NRDE2: variants seen among roughly 807,000 people sequenced by gnomAD.
NRDE2 encodes the protein NRDE-2, necessary for RNA interference, domain containing.
Under a neutral mutation model 124.2 loss-of-function variants are expected in NRDE2, and 76 were observed. The observed-to-expected ratio is 0.61, with a 90% confidence interval of 0.51 to 0.74. The LOEUF is 0.74. NRDE2 is among the 30% of genes least tolerant of loss of function. The pLI is 0.00. For synonymous variants in NRDE2, 489 were observed against 528.1 expected, an observed-to-expected ratio of 0.93 and a Z score of 1.01; for missense variants, 1,314 against 1,417.3, an observed-to-expected ratio of 0.93 and a Z score of 1.17.
chr14:90,297,070 C>T (rs563672891), intron 8 of NRDE2, among the ~76,000 whole-genome samples: 26 of 148,434 alleles, frequency 1.8e-4, no homozygotes, highest in African/African-American at 5.7e-4. Flanking sequence ...ACCTGGGAGG[C>T]GGAGGTTGCA....
chr14:90,278,683 C>G (rs1891868849), intron 13 of NRDE2: 3 of 570,130 alleles, frequency 5.3e-6, no homozygotes, highest in Non-Finnish European at 9.3e-6. Flanking sequence ...GAGGCCTTCT[C>G]TTTTAAAAGG....
intron 1 of NRDE2, among the ~76,000 whole-genome samples, chr14:90,326,125 G>T (rs1207359195): frequency 6.6e-6 from 1 of 152,194 alleles, no homozygotes; most frequent in African/African-American, 2.4e-5. Flanking sequence ...CTAGTAAAAA[G>T]AAATGAGGAA....
intron 1 of NRDE2, among the ~76,000 whole-genome samples, chr14:90,328,304 CA>C (rs60360850): frequency 0.4 from 35,589 of 88,538 alleles, 4,027 homozygotes; most frequent in African/African-American, 0.47. Flanking sequence ...ACTCTGTCTC[CA>C]AAAAAAAAAA....
At chr14:90,303,775 G>A (rs1269925165) in intron 5 of NRDE2, among the ~76,000 whole-genome samples, 160 bp downstream of exon 5, 3 of 152,106 alleles carry the variant, frequency 2.0e-5, no homozygotes, top group African/African-American at 7.2e-5. Context: ...TTTCCTCATT[G>A]GACTTTGAGC....
chr14:90,295,477 T>A (rs1290085821), intron 8 of NRDE2, among the ~76,000 whole-genome samples: 3 of 152,184 alleles, frequency 2.0e-5, no homozygotes, highest in Non-Finnish European at 4.4e-5. Flanking sequence ...ATGTTTAAAG[T>A]AATCCTTTAA....
At position 90,317,990 on chromosome 14, in the gene NRDE2, T is replaced by A. The variant is rs749880671; in HGVS notation, c.173+15A>T. The A allele has an allele frequency of 2.4e-5, 39 of 1,607,132 alleles. No individual in the cohort carries two copies. The African/African-American group carries it at 5.2e-4, about 22-fold the overall frequency. On this transcript the variant is annotated intron_variant, in intron 2 of 13. Coordinates refer to ENST00000354366, the MANE Select transcript of NRDE2 (RefSeq NM_017970.4). ...ACTGACAAAAACGAAAACACATCTG[T>A]CAAACAAAAACTACCTTGTCAGCGG... is the stretch of plus-strand genomic sequence containing the variant.
chr14:90,292,564 G>T, intron 9 of NRDE2, 133 bp downstream of exon 9: 1 of 903,692 alleles, frequency 1.1e-6, no homozygotes, highest in South Asian at 1.6e-5. Context: ...ACAGGAGCAG[G>T]TTAGCATCTC....
intron 4 of NRDE2, among the ~76,000 whole-genome samples, chr14:90,308,261 T>C (rs1415379932): frequency 6.6e-6 from 1 of 152,224 alleles, no homozygotes; most frequent in Non-Finnish European, 1.5e-5. Context: ...TTAAGGAATT[T>C]TCCAAATATA....
intron 1 of NRDE2, 132 bp downstream of exon 1, chr14:90,331,709 G>A (rs1329291418): frequency 3.0e-6 from 3 of 1,010,380 alleles, no homozygotes; most frequent in African/African-American, 3.2e-5. Context: ...TTTCCCAGAA[G>A]GCTTTGCAGC....
At chr14:90,315,957 CAAAAAAAAAAAA>C (rs59604203) in intron 3 of NRDE2, among the ~76,000 whole-genome samples, 3 of 74,410 alleles carry the variant, frequency 4.0e-5, no homozygotes, top group Admixed American at 3.4e-4. Flanking sequence ...AACCCCGTCT[CAAAAAAAAAAAA>C]AAAAAAAAAA....
chr14:90,275,453 C>G lies in NRDE2; in HGVS notation c.*2883G>C, dbSNP rs1891783839. ...CAGCACATCAGTATTGCCTTTTCCT[C>G]ATTGGTAATAGCTGAGCGTTTTCCT... is the stretch of plus-strand genomic sequence containing the variant. On this transcript the variant is annotated 3_prime_UTR_variant, in exon 14 of 14. Coordinates refer to ENST00000354366, the MANE Select transcript of NRDE2 (RefSeq NM_017970.4). The G allele has an allele frequency of 6.6e-6, 1 of 152,204 alleles. No individual in the cohort carries two copies. Among genetic ancestry groups the G allele is most frequent in the Admixed American group, 6.5e-5 (1 of 15,276 alleles). The allele number at this position is 152,204 out of a possible 1,614,324, so 9.4% of individuals were successfully genotyped here.
intron 1 of NRDE2, among the ~76,000 whole-genome samples, chr14:90,330,609 G>A (rs547045716): frequency 2.0e-5 from 3 of 152,168 alleles, no homozygotes; most frequent in African/African-American, 7.2e-5. Context: ...TCAGGAGTTC[G>A]AGACCAGCCT....
chr14:90,323,342 C>T (rs1473263636), intron 1 of NRDE2, among the ~76,000 whole-genome samples: 7 of 152,072 alleles, frequency 4.6e-5, no homozygotes, highest in Non-Finnish European at 1.0e-4. Context: ...AAGGAATTGC[C>T]ATGAAAAGAT....
chr14:90,301,811 C>CA (rs1193387735), intron 6 of NRDE2: 5 of 455,996 alleles, frequency 1.1e-5, no homozygotes, highest in African/African-American at 1.0e-4. Flanking sequence ...CGGCTGTAAA[C>CA]AAATCAAGGT....
chr14:90,288,091 C>T (rs1008681308), intron 11 of NRDE2, 126 bp downstream of exon 11: 38 of 819,788 alleles, frequency 4.6e-5, no homozygotes, highest in Non-Finnish European at 5.6e-5. Flanking sequence ...TACAGCCCCA[C>T]GGCAGGTGTT....
intron 12 of NRDE2, among the ~76,000 whole-genome samples, chr14:90,286,109 C>A (rs1378548466): frequency 6.6e-6 from 1 of 152,196 alleles, no homozygotes; most frequent in Non-Finnish European, 1.5e-5. Flanking sequence ...AGTAACTACT[C>A]AACTTCGTTC....
Position 90,281,702 on chromosome 14 carries a change from TTC to T in NRDE2, c.3298-2571_3298-2570del, listed in dbSNP as rs538157790. ...GTCTTAAGGCTTTTGCAAATTTTGA[TTC>T]TCTTTTTTTATCTCCTTATAAACAA... On this transcript the variant is annotated intron_variant, in intron 12 of 13. Coordinates refer to ENST00000354366, the MANE Select transcript of NRDE2 (RefSeq NM_017970.4). The T allele has an allele frequency of 3.2e-4, 48 of 152,364 alleles. 1 individual carries two copies. In the East Asian group the frequency reaches 8.5e-3, roughly 27 times the overall value. The allele number at this position is 152,364 out of a possible 1,614,324, so 9.4% of individuals were successfully genotyped here. A position where few individuals can be genotyped will look rare whatever the true frequency, so the allele number is the denominator to read the frequency against.
At chr14:90,300,409 G>A (rs959731419) in intron 7 of NRDE2, among the ~76,000 whole-genome samples, 1 of 152,078 alleles carries the variant, frequency 6.6e-6, no homozygotes, top group Non-Finnish European at 1.5e-5. Flanking sequence ...ACATGACGGA[G>A]GCCTTGGCCT....
chr14:90,305,053 C>T (rs189194381), intron 4 of NRDE2, among the ~76,000 whole-genome samples: 98 of 152,044 alleles, frequency 6.4e-4, no homozygotes, highest in South Asian at 1.0e-3. Context: ...GAAAATTGTA[C>T]ATTTTTCTGT....
Sources: gnomAD v4.1 joint callset for allele counts (sites outside exome capture counted in the v4.1 genomes callset) on GRCh38, gnomAD v4.1.1 for gene constraint, MANE v1.5 for transcripts, NCBI Gene and HGNC (gene_info 2026-07-23, HGNC 2026-07-21) for gene names.